SGCD: variants seen among roughly 807,000 people sequenced by gnomAD.
The protein encoded by SGCD is sarcoglycan delta.
In SGCD, 18 loss-of-function variants were observed where a neutral mutation model predicts 36.6. The ratio of observed to expected loss-of-function variants is 0.49; its 90% CI spans 0.34 to 0.73. The LOEUF (loss-of-function observed/expected upper bound fraction) is 0.73, where lower values mean the gene tolerates loss of function less well. Among genes scored for constraint, SGCD ranks in the 30% least tolerant of loss-of-function variants. The pLI is 0.01. For missense variants in SGCD, 387 were observed against 346.7 expected (o/e 1.12, Z -0.92); for synonymous variants, 133 against 130.6 (o/e 1.02, Z -0.12).
rs201759476 is a variant in SGCD at position 156,101,947 on chromosome 5, A to T, written c.-281-15931A>T. Among the ~76,000 whole-genome samples the T allele has an allele frequency of 7.4e-3, 769 of 103,644 alleles. 5 individuals carry two copies. The highest frequency in any genetic ancestry group is 0.033 in the East Asian group (134 of 4,052). The allele number at this position is 103,644 out of a possible 152,430, so 68.0% of individuals were successfully genotyped here. On this transcript the variant is annotated intron_variant, in intron 1 of 9. Transcript: ENST00000517913. ...GTGTGTGTGTGTGTGTGTGTGAGAG[A>T]GAGAGAGAGAGAGAGAGAGAGAAGC...
At chr5:156,149,406 A>C (rs1762780674) in intron 3 of SGCD, among the ~76,000 whole-genome samples, 1 of 152,228 alleles carries the variant, frequency 6.6e-6, no homozygotes, top group South Asian at 2.1e-4. Flanking sequence ...TCTGATAAGC[A>C]GACTGAATCA....
the SGCD span, among the ~76,000 whole-genome samples, chr5:155,810,806 T>C: frequency 1.5e-5 from 1 of 67,202 alleles, no homozygotes; most frequent in African/African-American, 6.1e-5. Context: ...TTTTTTTTTT[T>C]TTTTTTTTTT....
At chr5:156,206,949 G>T (rs1387240345) in intron 3 of SGCD, among the ~76,000 whole-genome samples, 2 of 152,002 alleles carry the variant, frequency 1.3e-5, no homozygotes, top group African/African-American at 2.4e-5. Flanking sequence ...AATATCAGGT[G>T]ATTGAATGAT....
the SGCD span, among the ~76,000 whole-genome samples, chr5:155,736,466 C>A: frequency 4.1e-3 from 619 of 152,274 alleles, 7 homozygotes; most frequent in African/African-American, 0.014. Flanking sequence ...TCCCCTAACA[C>A]CATAACAAAT....
intron 1 of SGCD, among the ~76,000 whole-genome samples, chr5:155,939,289 A>C (rs1242603085): frequency 6.6e-6 from 1 of 152,210 alleles, no homozygotes; most frequent in African/African-American, 2.4e-5. Flanking sequence ...CTATGTGTAC[A>C]TATTTCAAAA....
At position 156,767,462 on chromosome 5, in the gene SGCD, G is replaced by A. The variant is rs1354710093; in HGVS notation, c.*8072G>A. 3 of 137,026 alleles carry A rather than the reference G, an allele frequency of 2.2e-5. No homozygotes were observed. The highest frequency in any genetic ancestry group is 7.7e-5 in the Admixed American group (1 of 12,976). The allele number at this position is 137,026 out of a possible 1,614,324, so 8.5% of individuals were successfully genotyped here. On this transcript the variant is annotated 3_prime_UTR_variant, in exon 9 of 9. Transcript: ENST00000337851. ...TAACCAAAATGGTGAGGTCATGGAA[G>A]TCCCATTTGCTTGGAGATTTTGAAA... is the stretch of plus-strand genomic sequence containing the variant.
At chr5:155,765,892 C>G in the SGCD span, among the ~76,000 whole-genome samples, 1 of 152,068 alleles carries the variant, frequency 6.6e-6, no homozygotes, top group Non-Finnish European at 1.5e-5. Context: ...CCTGAGAACA[C>G]TCAAGCAGCC....
At chr5:155,754,167 G>T in the SGCD span, among the ~76,000 whole-genome samples, 13 of 152,300 alleles carry the variant, frequency 8.5e-5, no homozygotes, top group East Asian at 2.5e-3. Context: ...ACCTGGCAGG[G>T]ACCTGTGACC....
chr5:156,474,247 A>C (rs1755087993), intron 3 of SGCD, among the ~76,000 whole-genome samples: 1 of 152,218 alleles, frequency 6.6e-6, no homozygotes, highest in African/African-American at 2.4e-5. Context: ...CAATAGTGAA[A>C]GATGGAAAAA....
chr5:156,492,792 T>C (rs1756005978), intron 3 of SGCD, among the ~76,000 whole-genome samples: 3 of 152,088 alleles, frequency 2.0e-5, no homozygotes, highest in Admixed American at 1.3e-4. Context: ...CAACTCCCAC[T>C]TATTAGTGAG....
chr5:156,092,564 A>T (rs1295036561), intron 1 of SGCD, among the ~76,000 whole-genome samples: 1 of 152,194 alleles, frequency 6.6e-6, no homozygotes, highest in Non-Finnish European at 1.5e-5. Context: ...CAATATTAGA[A>T]GGTTGTTTTG....
chr5:156,473,747 A>C (rs80347127), intron 3 of SGCD, among the ~76,000 whole-genome samples: 1,751 of 152,354 alleles, frequency 0.011, 20 homozygotes, highest in Non-Finnish European at 0.019. Flanking sequence ...ATGGTGATTC[A>C]TTCGATTTGG....
chr5:156,544,498 T>C (rs1426196678), intron 4 of SGCD, among the ~76,000 whole-genome samples: 1 of 152,006 alleles, frequency 6.6e-6, no homozygotes, highest in Non-Finnish European at 1.5e-5. Flanking sequence ...TTGAAATAAA[T>C]ACAGTGTTAA....
intron 1 of SGCD, among the ~76,000 whole-genome samples, chr5:155,911,714 G>A (rs1756633686): frequency 6.6e-6 from 1 of 151,966 alleles, no homozygotes; most frequent in South Asian, 2.1e-4. Flanking sequence ...AACACCAAAT[G>A]CTACAAAAGT....
chr5:155,810,688 C>G, the SGCD span, among the ~76,000 whole-genome samples: 1 of 148,676 alleles, frequency 6.7e-6, no homozygotes, highest in East Asian at 2.0e-4. Flanking sequence ...AAGTAGATAT[C>G]TGAAAACTTT....
chr5:156,421,126 C>T (rs1465990771), intron 3 of SGCD, among the ~76,000 whole-genome samples: 1 of 151,916 alleles, frequency 6.6e-6, no homozygotes, highest in Non-Finnish European at 1.5e-5. Flanking sequence ...CAAATGGTCT[C>T]AATGGAATAC....
intron 3 of SGCD, among the ~76,000 whole-genome samples, chr5:156,262,247 T>A (rs1009824780): frequency 3.3e-5 from 5 of 152,142 alleles, no homozygotes; most frequent in African/African-American, 9.7e-5. Context: ...TATACCATTT[T>A]AAAAAATCCT....
chr5:156,582,559 A>C (rs1760315845), intron 4 of SGCD, among the ~76,000 whole-genome samples: 1 of 152,190 alleles, frequency 6.6e-6, no homozygotes, highest in South Asian at 2.1e-4. Context: ...GATATTGAGG[A>C]AGTCATTCTT....
At chr5:156,673,526 G>A (rs185201502) in intron 7 of SGCD, among the ~76,000 whole-genome samples, 1 of 152,128 alleles carries the variant, frequency 6.6e-6, no homozygotes, top group East Asian at 1.9e-4. Flanking sequence ...CGGAAGATGA[G>A]TTTCCAGTTC....
Sources: gnomAD v4.1 joint callset for allele counts (sites outside exome capture counted in the v4.1 genomes callset) on GRCh38, gnomAD v4.1.1 for gene constraint, MANE v1.5 for transcripts, NCBI Gene and HGNC (gene_info 2026-07-23, HGNC 2026-07-21) for gene names.